MAML2: variants seen among roughly 807,000 people sequenced by gnomAD.
MAML2 encodes the protein mastermind like transcriptional coactivator 2, also known as mastermind-like protein 2.
In MAML2, 22 loss-of-function variants were observed where a neutral mutation model predicts 96.1. That is an observed-to-expected ratio of 0.23 (90% CI 0.16 to 0.33). The LOEUF is 0.33. Ranked by LOEUF, MAML2 falls within the 10% of genes least tolerant of loss-of-function variation. The pLI, the probability that MAML2 is intolerant of heterozygous loss-of-function variation, is 1.00. For synonymous variants in MAML2, 561 were observed against 521.3 expected, an observed-to-expected ratio of 1.08 and a Z score of -1.04; for missense variants, 1,367 against 1,392.4, an observed-to-expected ratio of 0.98 and a Z score of 0.29.
At chr11:96,206,040 T>C (rs2135934586) in intron 1 of MAML2, among the ~76,000 whole-genome samples, 1 of 152,250 alleles carries the variant, frequency 6.6e-6, no homozygotes. Context: ...TTTCTGGTTC[T>C]AAAAGCTTTC....
chr11:96,293,045 T>A (rs1002126768), intron 1 of MAML2, among the ~76,000 whole-genome samples: 1 of 152,216 alleles, frequency 6.6e-6, no homozygotes, highest in Non-Finnish European at 1.5e-5. Flanking sequence ...AAAAAATGTA[T>A]CACATAGACT....
intron 1 of MAML2, among the ~76,000 whole-genome samples, chr11:96,166,578 G>A (rs1861198591): frequency 6.6e-6 from 1 of 152,168 alleles, no homozygotes; most frequent in African/African-American, 2.4e-5. Context: ...GAAGGCTTAA[G>A]GTCGAATGTC....
intron 1 of MAML2, among the ~76,000 whole-genome samples, chr11:96,221,526 G>C (rs887301043): frequency 3.3e-5 from 5 of 152,044 alleles, no homozygotes; most frequent in African/African-American, 1.2e-4. Flanking sequence ...ATTACTCTGG[G>C]GAAAGCAGGA....
chr11:96,321,193 A>G (rs1258821465), intron 1 of MAML2, among the ~76,000 whole-genome samples: 1 of 152,224 alleles, frequency 6.6e-6, no homozygotes, highest in East Asian at 1.9e-4. Flanking sequence ...ACCTCTGAGC[A>G]CAGTTGCCCT....
At chr11:96,151,338 T>C (rs779148503) in intron 1 of MAML2, among the ~76,000 whole-genome samples, 4 of 152,238 alleles carry the variant, frequency 2.6e-5, no homozygotes, top group Admixed American at 2.0e-4. Context: ...TCCAAAATAT[T>C]TCCATTATTT....
chr11:96,018,873 G>A (rs1373039891), intron 2 of MAML2, among the ~76,000 whole-genome samples: 1 of 152,196 alleles, frequency 6.6e-6, no homozygotes, highest in African/African-American at 2.4e-5. Context: ...ACTGGTGTGA[G>A]CCACGGCGCC....
At chr11:96,137,873 T>C (rs1366649301) in intron 1 of MAML2, among the ~76,000 whole-genome samples, 1 of 152,222 alleles carries the variant, frequency 6.6e-6, no homozygotes. Flanking sequence ...CTTTTTTATG[T>C]GCTAATTATA....
At chr11:96,110,132 T>C (rs1340451091) in intron 1 of MAML2, among the ~76,000 whole-genome samples, 1 of 152,036 alleles carries the variant, frequency 6.6e-6, no homozygotes, top group Non-Finnish European at 1.5e-5. Flanking sequence ...CATCTGGCAT[T>C]TGATTGTGAT....
chr11:95,991,673 G>A lies in MAML2; in HGVS notation c.2190C>T (p.Asn730=). The A allele has an allele frequency of 6.2e-7, 1 of 1,613,758 alleles. No homozygotes were observed. Among genetic ancestry groups the A allele is most frequent in the South Asian group, 1.1e-5 (1 of 91,070 alleles). ...GQNTGPSPSP[N]PCSNPNTGSG... is the part of the protein sequence containing the mutation. ...TTCCAGTGTTTGGATTTGAGCAGGG[G>A]TTAGGACTTGGACTGGGGCCTGTGT... Residue 730 remains asparagine, a synonymous_variant, in exon 3 of 5, where the codon AAC becomes AAT. Coordinates refer to ENST00000524717, the MANE Select transcript of MAML2 (RefSeq NM_032427.4).
At chr11:96,230,300 T>G (rs983787920) in intron 1 of MAML2, among the ~76,000 whole-genome samples, 1 of 152,234 alleles carries the variant, frequency 6.6e-6, no homozygotes, top group Non-Finnish European at 1.5e-5. Flanking sequence ...CTTTCAAAGA[T>G]TTATATGTTT....
intron 2 of MAML2, among the ~76,000 whole-genome samples, chr11:96,023,931 AT>A: frequency 6.6e-6 from 1 of 152,354 alleles, no homozygotes; most frequent in Middle Eastern, 3.4e-3. Flanking sequence ...CATCTTAAAA[AT>A]GGATAAGTCT....
chr11:96,030,668 G>T (rs1565194278), intron 2 of MAML2, among the ~76,000 whole-genome samples: 1 of 152,162 alleles, frequency 6.6e-6, no homozygotes. Context: ...AGATCATTCA[G>T]GTTTTACTGA....
intron 1 of MAML2, among the ~76,000 whole-genome samples, chr11:96,122,580 T>A (rs1221744528): frequency 3.9e-5 from 6 of 151,974 alleles, no homozygotes; most frequent in Non-Finnish European, 2.9e-5. Flanking sequence ...ATAGAAAATA[T>A]AAGCAATTCA....
At chr11:96,001,447 G>C (rs1858076426) in intron 2 of MAML2, among the ~76,000 whole-genome samples, 1 of 152,164 alleles carries the variant, frequency 6.6e-6, no homozygotes, top group Admixed American at 6.5e-5. Flanking sequence ...TCTGCCTCTA[G>C]AGCAGTGGTT....
At chr11:96,326,037 A>G (rs1033227955) in intron 1 of MAML2, among the ~76,000 whole-genome samples, 1 of 151,680 alleles carries the variant, frequency 6.6e-6, no homozygotes, top group Non-Finnish European at 1.5e-5. Flanking sequence ...AGAGCTGTGC[A>G]TTGTATCACC....
At chr11:96,198,435 C>T (rs1861762337) in intron 1 of MAML2, among the ~76,000 whole-genome samples, 1 of 152,170 alleles carries the variant, frequency 6.6e-6, no homozygotes. Flanking sequence ...TACAGAAATT[C>T]CCAGCTAAAC....
chr11:96,041,728 A>ATT (rs551421799), intron 2 of MAML2, among the ~76,000 whole-genome samples: 1 of 144,948 alleles, frequency 6.9e-6, no homozygotes, highest in African/African-American at 2.5e-5. Flanking sequence ...GGAGTGAGTG[A>ATT]TTTTTTTTTT....
At chr11:96,273,070 T>C (rs1321469306) in intron 1 of MAML2, among the ~76,000 whole-genome samples, 2 of 152,204 alleles carry the variant, frequency 1.3e-5, no homozygotes, top group African/African-American at 4.8e-5. Flanking sequence ...CTTGCCTGTT[T>C]CAATGCAAAA....
chr11:95,995,383 C>A (rs1390763093), intron 2 of MAML2, among the ~76,000 whole-genome samples: 1 of 152,106 alleles, frequency 6.6e-6, no homozygotes, highest in Non-Finnish European at 1.5e-5. Flanking sequence ...TCTCTGTTAG[C>A]TTTGCTCTTT....
Sources: allele counts gnomAD v4.1 joint callset (sites outside exome capture counted in the v4.1 genomes callset), GRCh38; gene constraint gnomAD v4.1.1; transcripts MANE v1.5; gene names NCBI Gene and HGNC (gene_info 2026-07-23, HGNC 2026-07-21).